Variants in THSD7B observed in about 807,000 individuals in gnomAD.
THSD7B encodes thrombospondin type-1 domain-containing protein 7B.
In THSD7B, 138 loss-of-function variants were observed where a neutral mutation model predicts 213.6. The observed-to-expected ratio is 0.65, with a 90% CI of 0.56 to 0.74. The LOEUF (loss-of-function observed/expected upper bound fraction) is 0.74. Among genes scored for constraint, THSD7B ranks in the 30% least tolerant of loss-of-function variants. The probability of loss-of-function intolerance (pLI) is 0.00; values close to 1 mark genes in which losing one functional copy is unlikely to be tolerated. For synonymous variants in THSD7B, 742 were observed against 687.0 expected (o/e 1.08, Z -1.25); for missense variants, 1,931 against 1,991.5 (o/e 0.97, Z 0.58).
intron 1 of THSD7B, among the ~76,000 whole-genome samples, chr2:136,817,806 T>C (rs1682500353): frequency 6.7e-6 from 1 of 148,800 alleles, no homozygotes; most frequent in African/African-American, 2.5e-5. Context: ...ATGCTCATCA[T>C]CACTGGCCAT....
intron 7 of THSD7B, among the ~76,000 whole-genome samples, chr2:137,212,672 AT>A (rs975207396): frequency 2.6e-5 from 4 of 151,652 alleles, no homozygotes; most frequent in African/African-American, 9.7e-5. Context: ...AAAAAATATC[AT>A]TTTTTTTCCT....
chr2:137,373,483 G>A (rs1052531399), intron 12 of THSD7B, among the ~76,000 whole-genome samples: 9 of 152,280 alleles, frequency 5.9e-5, no homozygotes, highest in East Asian at 1.9e-4. Flanking sequence ...TTTTTTGGCT[G>A]CATAAATGTC....
At chr2:137,061,490 G>GTT (rs34594996) in intron 3 of THSD7B, among the ~76,000 whole-genome samples, 9 of 143,694 alleles carry the variant, frequency 6.3e-5, no homozygotes, top group African/African-American at 1.8e-4. Context: ...TTAGCTATAG[G>GTT]TTTTTTTTTT....
chr2:137,219,396 A>G (rs754332248), intron 7 of THSD7B, among the ~76,000 whole-genome samples: 1 of 152,168 alleles, frequency 6.6e-6, no homozygotes, highest in Non-Finnish European at 1.5e-5. Flanking sequence ...CATAAATTCC[A>G]AAATGTAGAG....
At chr2:137,526,154 T>C (rs1558827370) in intron 15 of THSD7B, among the ~76,000 whole-genome samples, 1 of 152,090 alleles carries the variant, frequency 6.6e-6, no homozygotes, top group Non-Finnish European at 1.5e-5. Flanking sequence ...CCGTACCACT[T>C]CTACCTGGCC....
intron 21 of THSD7B, among the ~76,000 whole-genome samples, chr2:137,644,525 T>A (rs932597034): frequency 6.6e-6 from 1 of 152,076 alleles, no homozygotes; most frequent in South Asian, 2.1e-4. Flanking sequence ...CATGACAATA[T>A]CTAAGTTGAG....
intron 12 of THSD7B, among the ~76,000 whole-genome samples, chr2:137,337,633 T>A (rs1684668159): frequency 6.6e-6 from 1 of 152,094 alleles, no homozygotes; most frequent in Non-Finnish European, 1.5e-5. Context: ...TCCTTAATTT[T>A]AGCAACTATC....
chr2:137,303,686 ATATATATT>A lies in THSD7B; in HGVS notation c.2500+27668_2500+27675del, dbSNP rs1446811073. Among the ~76,000 whole-genome samples, 179 of 114,728 alleles carry A rather than the reference ATATATATT, an allele frequency of 1.6e-3. 5 individuals carry two copies. Among genetic ancestry groups the A allele is most frequent in the African/African-American group, 5.0e-3 (156 of 31,198 alleles). 75.3% of individuals were successfully genotyped at this position (114,728 alleles called of 152,430 possible). On this transcript the variant is annotated intron_variant, in intron 12 of 27. Coordinates refer to ENST00000409968, the MANE Select transcript of THSD7B (RefSeq NM_001316349.2). The stretch of plus-strand genomic sequence containing the variant: ...TTTATATATATTAATATATATATTT[ATATATATT>A]TATATATATTTATATATATATTTAT...
intron 27 of THSD7B, among the ~76,000 whole-genome samples, chr2:137,670,920 CAA>C (rs530737012): frequency 1.9e-4 from 20 of 102,796 alleles, no homozygotes; most frequent in African/African-American, 6.4e-4. Flanking sequence ...GACTCCGCCT[CAA>C]AAAAAAAAAA....
intron 15 of THSD7B, among the ~76,000 whole-genome samples, chr2:137,509,306 CCT>C (rs1386277482): frequency 6.8e-6 from 1 of 148,038 alleles, no homozygotes; most frequent in Non-Finnish European, 1.5e-5. Flanking sequence ...TTCCTTCTTT[CCT>C]CTCTCTTTCT....
chr2:136,950,884 A>G lies in THSD7B; in HGVS notation c.139+68567A>G, dbSNP rs566882717. Among the ~76,000 whole-genome samples the G allele has an allele frequency of 5.3e-5, 8 of 152,330 alleles. No individual in the cohort carries two copies. The South Asian group carries it at 1.7e-3, about 32-fold the overall frequency. On this transcript the variant is annotated intron_variant, in intron 2 of 27. Transcript: ENST00000409968. ...ATGTGGAAGAAAGGACCAAATCAAT[A>G]ACTCCGTCCTTTACTTCAACTCAGA...
At chr2:137,204,356 C>G (rs1334597119) in intron 7 of THSD7B, among the ~76,000 whole-genome samples, 2 of 152,066 alleles carry the variant, frequency 1.3e-5, no homozygotes, top group African/African-American at 4.8e-5. Flanking sequence ...GTGAAGAGAA[C>G]TATGCTATAT....
chr2:137,331,630 C>G (rs1030332373), intron 12 of THSD7B, among the ~76,000 whole-genome samples: 17 of 152,138 alleles, frequency 1.1e-4, no homozygotes, highest in African/African-American at 3.9e-4. Context: ...CTTGGGTGGT[C>G]GATGGGACTG....
At chr2:137,612,104 T>G (rs954811330) in intron 17 of THSD7B, among the ~76,000 whole-genome samples, 1 of 152,220 alleles carries the variant, frequency 6.6e-6, no homozygotes, top group Admixed American at 6.5e-5. Context: ...CAATTCAAAT[T>G]ATATAACATG....
intron 14 of THSD7B, among the ~76,000 whole-genome samples, chr2:137,428,419 C>A (rs1687105784): frequency 1.3e-5 from 2 of 152,090 alleles, no homozygotes; most frequent in South Asian, 4.1e-4. Flanking sequence ...ATAGAATTAC[C>A]ATATGACCCA....
intron 3 of THSD7B, among the ~76,000 whole-genome samples, chr2:137,085,820 CA>C (rs1687828649): frequency 6.6e-6 from 1 of 152,070 alleles, no homozygotes; most frequent in Middle Eastern, 3.4e-3. Context: ...ATAAAAACCA[CA>C]AACTATGAGG....
intron 15 of THSD7B, among the ~76,000 whole-genome samples, chr2:137,559,746 G>A (rs549147545): frequency 2.0e-5 from 3 of 152,274 alleles, no homozygotes; most frequent in South Asian, 2.1e-4. Flanking sequence ...CTTCTGCACA[G>A]CAAAAGAAAC....
rs536221194 is a variant in THSD7B at position 137,110,803 on chromosome 2, C to T, written c.1200-4321C>T. 2.0e-5 allele frequency among the ~76,000 whole-genome samples: 3 copies of T among 152,292 alleles called. No individual in the cohort carries two copies. The South Asian group carries it at 6.2e-4, about 32-fold the overall frequency. On this transcript the variant is annotated intron_variant, in intron 4 of 27. Coordinates refer to ENST00000409968, the MANE Select transcript of THSD7B (RefSeq NM_001316349.2). ...AGTGGTGGGCCATGGACTGCATATA[C>T]GATGGTCCCATAAGATTGTAATACT...
intron 1 of THSD7B, among the ~76,000 whole-genome samples, chr2:136,862,374 C>A (rs1235425459): frequency 2.0e-5 from 3 of 152,206 alleles, no homozygotes; most frequent in African/African-American, 7.2e-5. Flanking sequence ...GTATTATTAA[C>A]TTTTACTTCA....
Sources: gnomAD v4.1 joint callset for allele counts (sites outside exome capture counted in the v4.1 genomes callset) on GRCh38, gnomAD v4.1.1 for gene constraint, MANE v1.5 for transcripts, NCBI Gene and HGNC (gene_info 2026-07-23, HGNC 2026-07-21) for gene names.